Variants in KCNMA1 observed in about 807,000 individuals in gnomAD.
KCNMA1 encodes the protein potassium calcium-activated channel subfamily M alpha 1.
A neutral mutation model predicts 140.0 loss-of-function variants in KCNMA1; 29 were observed. The observed-to-expected ratio is 0.21, with a 90% CI of 0.15 to 0.28. The LOEUF is 0.28. Ranked by LOEUF, KCNMA1 falls within the 10% of genes least tolerant of loss-of-function variation. KCNMA1 has a pLI of 1.00. For missense variants in KCNMA1, 880 were observed against 1,602.2 expected (o/e 0.55, Z 7.70); for synonymous variants, 612 against 611.9 (o/e 1.00, Z 0.00).
chr10:77,156,227 T>TA (rs58950492), intron 5 of KCNMA1, among the ~76,000 whole-genome samples: 147 of 120,594 alleles, frequency 1.2e-3, no homozygotes, highest in South Asian at 3.7e-3. Flanking sequence ...GACTCCATCT[T>TA]AAAAAAAAAA....
intron 1 of KCNMA1, among the ~76,000 whole-genome samples, chr10:77,541,694 A>G (rs953906862): frequency 6.6e-6 from 1 of 152,220 alleles, no homozygotes; most frequent in African/African-American, 2.4e-5. Flanking sequence ...CACTAAAAAA[A>G]TAAGAAAGAA....
intron 23 of KCNMA1, among the ~76,000 whole-genome samples, chr10:76,932,078 G>C (rs1431819877): frequency 6.6e-6 from 1 of 152,174 alleles, no homozygotes; most frequent in Non-Finnish European, 1.5e-5. Flanking sequence ...CATTCATTCA[G>C]GGTTGCCATG....
At chr10:77,632,189 C>T (rs1187020138) in intron 1 of KCNMA1, among the ~76,000 whole-genome samples, 1 of 152,162 alleles carries the variant, frequency 6.6e-6, no homozygotes, top group Admixed American at 6.5e-5. Flanking sequence ...CTCAGCCACG[C>T]CATGCCTGCT....
intron 2 of KCNMA1, among the ~76,000 whole-genome samples, chr10:77,277,481 C>G (rs1448622024): frequency 6.6e-6 from 1 of 152,138 alleles, no homozygotes; most frequent in Non-Finnish European, 1.5e-5. Context: ...TCTCCAACAC[C>G]CAGTCCACAT....
chr10:77,514,179 C>T (rs1603631560), intron 1 of KCNMA1, among the ~76,000 whole-genome samples: 1 of 152,352 alleles, frequency 6.6e-6, no homozygotes, highest in East Asian at 1.9e-4. Flanking sequence ...TACTCAGGGT[C>T]CCGAGGGCCT....
At chr10:77,476,171 G>A (rs2098273510) in intron 1 of KCNMA1, among the ~76,000 whole-genome samples, 1 of 152,154 alleles carries the variant, frequency 6.6e-6, no homozygotes, top group African/African-American at 2.4e-5. Context: ...GCAGCTCAGA[G>A]GACTGGAATT....
chr10:77,630,279 G>T (rs1035156411), intron 1 of KCNMA1, among the ~76,000 whole-genome samples: 3 of 152,154 alleles, frequency 2.0e-5, no homozygotes, highest in African/African-American at 7.2e-5. Flanking sequence ...CTTTAATTTT[G>T]CAAGGAGGTA....
intron 3 of KCNMA1, among the ~76,000 whole-genome samples, chr10:77,209,042 G>A (rs1219157243): frequency 3.9e-5 from 6 of 152,116 alleles, no homozygotes; most frequent in African/African-American, 1.2e-4. Flanking sequence ...GAGTGCAAGT[G>A]TAGCATGCCC....
chr10:76,997,785 G>A (rs942424487), intron 19 of KCNMA1, among the ~76,000 whole-genome samples: 1 of 152,086 alleles, frequency 6.6e-6, no homozygotes, highest in Non-Finnish European at 1.5e-5. Flanking sequence ...AAAAAGCCGA[G>A]GCCCATACCA....
intron 3 of KCNMA1, among the ~76,000 whole-genome samples, chr10:77,195,561 C>A (rs924070777): frequency 1.3e-5 from 2 of 152,062 alleles, no homozygotes; most frequent in Non-Finnish European, 2.9e-5. Context: ...TGGAACATTT[C>A]TTTTCCTTTT....
chr10:77,509,937 G>A (rs759635155), intron 1 of KCNMA1, among the ~76,000 whole-genome samples: 13 of 152,028 alleles, frequency 8.6e-5, no homozygotes, highest in Non-Finnish European at 1.3e-4. Flanking sequence ...GGCAAGTGGA[G>A]TGCAAGACCC....
At chr10:77,423,767 G>A (rs1280673208) in intron 1 of KCNMA1, among the ~76,000 whole-genome samples, 1 of 152,154 alleles carries the variant, frequency 6.6e-6, no homozygotes, top group East Asian at 1.9e-4. Context: ...TGCTGCAACA[G>A]ACTGTGAGAC....
At chr10:77,566,368 G>T (rs1402382191) in intron 1 of KCNMA1, among the ~76,000 whole-genome samples, 1 of 152,230 alleles carries the variant, frequency 6.6e-6, no homozygotes, top group East Asian at 1.9e-4. Context: ...CGCCATGCGT[G>T]AATGCTGTGG....
chr10:77,124,485 A>G (rs1046886528), intron 5 of KCNMA1, among the ~76,000 whole-genome samples: 4 of 152,192 alleles, frequency 2.6e-5, no homozygotes, highest in Admixed American at 2.6e-4. Context: ...ACAGGATAAG[A>G]TCAATAGTGT....
At chr10:77,334,831 C>A (rs1170722872) in intron 2 of KCNMA1, among the ~76,000 whole-genome samples, 1 of 152,134 alleles carries the variant, frequency 6.6e-6, no homozygotes, top group Non-Finnish European at 1.5e-5. Context: ...AATTTTGATA[C>A]TATTTTGCAT....
chr10:77,037,361 T>C (rs192804511), intron 15 of KCNMA1, among the ~76,000 whole-genome samples: 185 of 152,368 alleles, frequency 1.2e-3, no homozygotes, highest in African/African-American at 4.4e-3. Flanking sequence ...AGGTCTTGCA[T>C]TGTCACATTA....
chr10:77,529,175 A>T (rs1380752347), intron 1 of KCNMA1, among the ~76,000 whole-genome samples: 2 of 152,084 alleles, frequency 1.3e-5, no homozygotes, highest in African/African-American at 2.4e-5. Flanking sequence ...GCCAGGCAAA[A>T]GGGTTGAGGG....
chr10:77,360,280 G>T (rs117125645), intron 2 of KCNMA1, among the ~76,000 whole-genome samples: 1 of 152,196 alleles, frequency 6.6e-6, no homozygotes, highest in African/African-American at 2.4e-5. Context: ...AGATCTCCCA[G>T]TGGAGCTGAT....
At chr10:76,977,802 C>T (rs1324485366) in intron 19 of KCNMA1, 1 of 586,000 alleles carries the variant, frequency 1.7e-6, no homozygotes, top group Non-Finnish European at 3.0e-6. Flanking sequence ...GGTCATGAGT[C>T]AGGTGAGTTT....
Sources: gnomAD v4.1 joint callset for allele counts (sites outside exome capture counted in the v4.1 genomes callset) on GRCh38, gnomAD v4.1.1 for gene constraint, MANE v1.5 for transcripts, NCBI Gene and HGNC (gene_info 2026-07-23, HGNC 2026-07-21) for gene names.